CELF2: variants seen among roughly 807,000 people sequenced by gnomAD.
CELF2 encodes CUG triplet repeat RNA-binding protein 2.
CELF2 carries 8 observed loss-of-function variants against 62.6 expected under a neutral mutation model. That is an observed-to-expected ratio of 0.13 (90% CI 0.07 to 0.23). The LOEUF is 0.23. Among genes scored for constraint, CELF2 ranks in the 10% least tolerant of loss-of-function variants. The probability of loss-of-function intolerance (pLI) is 1.00; values close to 1 mark genes in which losing one functional copy is unlikely to be tolerated. For synonymous variants in CELF2, 258 were observed against 250.0 expected (o/e 1.03, Z -0.30); for missense variants, 333 against 671.0 (o/e 0.50, Z 5.56).
the CELF2 span, among the ~76,000 whole-genome samples, chr10:10,539,431 A>T: frequency 3.3e-5 from 5 of 152,100 alleles, no homozygotes; most frequent in South Asian, 1.0e-3. Context: ...GCAAAGAACC[A>T]GCCCTCAACC....
At chr10:10,953,899 G>A (rs189597214) in intron 2 of CELF2, among the ~76,000 whole-genome samples, 51 of 151,700 alleles carry the variant, frequency 3.4e-4, no homozygotes, top group Admixed American at 1.6e-3. Flanking sequence ...TATATCAAGG[G>A]TTGATACAAA....
At chr10:10,714,034 C>CA in the CELF2 span, among the ~76,000 whole-genome samples, 4,567 of 151,600 alleles carry the variant, frequency 0.03, 184 homozygotes, top group African/African-American at 0.094. Context: ...GAATCCATCT[C>CA]AAAAAAAGAA....
intron 3 of CELF2, among the ~76,000 whole-genome samples, chr10:11,226,110 G>A (rs1383500751): frequency 6.6e-6 from 1 of 152,200 alleles, no homozygotes; most frequent in Non-Finnish European, 1.5e-5. Context: ...CAGCACAACG[G>A]GAACAGTCAC....
chr10:10,985,298 C>T (rs1319888843), intron 2 of CELF2, among the ~76,000 whole-genome samples: 1 of 151,046 alleles, frequency 6.6e-6, no homozygotes, highest in Non-Finnish European at 1.5e-5. Flanking sequence ...AATGGTTTCA[C>T]TTTCTTTAAC....
At chr10:11,194,971 A>G (rs1438137907) in intron 2 of CELF2, among the ~76,000 whole-genome samples, 1 of 152,166 alleles carries the variant, frequency 6.6e-6, no homozygotes, top group East Asian at 1.9e-4. Context: ...CTGAATTTGA[A>G]TTTTTAACAG....
At chr10:10,698,832 C>T in the CELF2 span, among the ~76,000 whole-genome samples, 4 of 152,124 alleles carry the variant, frequency 2.6e-5, no homozygotes, top group African/African-American at 9.7e-5. Flanking sequence ...TCAACAACAC[C>T]CACACACTGT....
At chr10:11,288,220 A>C (rs931293002) in intron 8 of CELF2, among the ~76,000 whole-genome samples, 198 bp from the exon 9 acceptor site, 1 of 152,230 alleles carries the variant, frequency 6.6e-6, no homozygotes, top group African/African-American at 2.4e-5. Context: ...AGGAAGAGCA[A>C]TTGCATCAGA....
At chr10:10,682,814 GT>G in the CELF2 span, among the ~76,000 whole-genome samples, 2,424 of 152,184 alleles carry the variant, frequency 0.016, 30 homozygotes, top group African/African-American at 0.035. Context: ...GTTTTCTTGT[GT>G]TTTCCCCCAA....
At chr10:10,915,288 C>A (rs1301916330) in intron 1 of CELF2, among the ~76,000 whole-genome samples, 1 of 152,076 alleles carries the variant, frequency 6.6e-6, no homozygotes, top group Non-Finnish European at 1.5e-5. Flanking sequence ...CTTAAGAGAG[C>A]AGAATTACCA....
chr10:10,736,511 C>A, the CELF2 span, among the ~76,000 whole-genome samples: 1 of 150,804 alleles, frequency 6.6e-6, no homozygotes, highest in Non-Finnish European at 1.5e-5. Flanking sequence ...TCCTAAAATA[C>A]CCTGTATGTT....
At chr10:10,951,703 G>A (rs983755321) in intron 2 of CELF2, 11 of 152,208 alleles carry the variant, frequency 7.2e-5, no homozygotes, top group Non-Finnish European at 1.5e-4. Flanking sequence ...AAAGAAAAAG[G>A]TTCATGCTTT....
intron 2 of CELF2, among the ~76,000 whole-genome samples, chr10:10,975,509 G>A (rs1248024060): frequency 6.6e-6 from 1 of 152,166 alleles, no homozygotes; most frequent in Non-Finnish European, 1.5e-5. Context: ...AATTTCCAAT[G>A]TCAGGTCCAC....
In CELF2 at chr10:11,260,909, C is replaced by T. The variant is rs537113358; in HGVS notation, c.538+3037C>T. On this transcript the variant is annotated intron_variant, in intron 5 of 12. Transcript: ENST00000633077. This position sits in a 1 kb window ranked among gnomAD's most constrained non-coding sequence, Gnocchi z 4.2. ...CCATTTTGCTTTCATTAAAGAATTG[C>T]AGTTTTGAATCAAATATTAATGTGT... Among the ~76,000 whole-genome samples, 5 of 152,152 alleles carry T rather than the reference C, an allele frequency of 3.3e-5. No individual in the cohort carries two copies. The highest frequency in any genetic ancestry group is 1.2e-4 in the African/African-American group (5 of 41,420).
chr10:10,736,396 C>CTTTCTTTCTTTCTTTCTT, the CELF2 span, among the ~76,000 whole-genome samples: 57 of 75,972 alleles, frequency 7.5e-4, no homozygotes, highest in Middle Eastern at 0.014. Flanking sequence ...TTCTTTCTTT[C>CTTTCTTTCTTTCTTTCTT]TTTTTTTTTT....
At chr10:11,230,448 A>G (rs1044305077) in intron 3 of CELF2, among the ~76,000 whole-genome samples, 2 of 152,192 alleles carry the variant, frequency 1.3e-5, no homozygotes, top group African/African-American at 4.8e-5. Flanking sequence ...TTGTGTGTGC[A>G]CACACACTTC....
chr10:10,478,498 G>GGA, the CELF2 span, among the ~76,000 whole-genome samples: 1 of 151,706 alleles, frequency 6.6e-6, no homozygotes, highest in Non-Finnish European at 1.5e-5. Context: ...TTGTTTTGGA[G>GGA]AAAAAAAATC....
chr10:10,870,743 G>A (rs2060685959), intron 1 of CELF2, among the ~76,000 whole-genome samples: 2 of 152,024 alleles, frequency 1.3e-5, no homozygotes, highest in South Asian at 2.1e-4. Flanking sequence ...CCCACCGCCC[G>A]CCCAGCCTTC....
At chr10:10,835,895 G>T (rs370338908) in intron 1 of CELF2, among the ~76,000 whole-genome samples, 1 of 152,172 alleles carries the variant, frequency 6.6e-6, no homozygotes, top group Non-Finnish European at 1.5e-5. Context: ...GGGCAGAATC[G>T]AGGCTGACTT....
intron 1 of CELF2, among the ~76,000 whole-genome samples, chr10:10,903,567 T>C (rs891135109): frequency 6.6e-5 from 10 of 152,248 alleles, no homozygotes; most frequent in African/African-American, 2.2e-4. Flanking sequence ...AGTCTAAAGA[T>C]GAGTCAATGT....
Sources: allele counts gnomAD v4.1 joint callset (sites outside exome capture counted in the v4.1 genomes callset), GRCh38; gene constraint gnomAD v4.1.1; non-coding constraint Gnocchi (gnomAD v3.1); transcripts MANE v1.5; gene names NCBI Gene and HGNC (gene_info 2026-07-23, HGNC 2026-07-21).